Variants in NHS observed in about 807,000 individuals in gnomAD.
NHS encodes actin remodeling regulator NHS.
A neutral mutation model predicts 72.5 loss-of-function variants in NHS; 5 were observed. The ratio of observed to expected loss-of-function variants is 0.07; its 90% confidence interval spans 0.04 to 0.14. The LOEUF (loss-of-function observed/expected upper bound fraction) is 0.14. Ranked by LOEUF, NHS falls within the 10% of genes least tolerant of loss-of-function variation. The pLI is 1.00. For synonymous variants in NHS, 464 were observed against 547.7 expected (o/e 0.85, Z 2.13); for missense variants, 1,072 against 1,355.7 (o/e 0.79, Z 3.29).
chrX:17,571,182 A>G (rs973959972), intron 1 of NHS, among the ~76,000 whole-genome samples: 30 of 112,324 alleles, frequency 2.7e-4, no homozygotes, highest in African/African-American at 8.7e-4. Context: ...TGCTGGCCTC[A>G]TAAAATGAGT....
chrX:17,538,240 T>C (rs1569275835), intron 1 of NHS, among the ~76,000 whole-genome samples: 1 of 112,020 alleles, frequency 8.9e-6, no homozygotes. Context: ...AGCTGAGACC[T>C]GTAAAAGTGC....
intron 1 of NHS, among the ~76,000 whole-genome samples, chrX:17,511,796 C>T (rs181303013): frequency 3.8e-4 from 42 of 111,594 alleles, no homozygotes; most frequent in Non-Finnish European, 4.7e-4. Flanking sequence ...GGATTTCCAT[C>T]TATTTACATC....
chrX:17,488,412 A>G (rs1569265251), intron 1 of NHS, among the ~76,000 whole-genome samples: 1 of 111,131 alleles, frequency 9.0e-6, no homozygotes, highest in Non-Finnish European at 1.9e-5. Context: ...GATGTCCTGC[A>G]GCTACAGGCA....
At chrX:17,681,423 G>A (rs1025647716) in intron 1 of NHS, among the ~76,000 whole-genome samples, 3 of 111,788 alleles carry the variant, frequency 2.7e-5, no homozygotes, top group Non-Finnish European at 3.8e-5. Context: ...CACTGATGCT[G>A]TGATCCATCT....
chrX:17,496,857 T>G (rs1197989854), intron 1 of NHS, among the ~76,000 whole-genome samples: 3 of 112,192 alleles, frequency 2.7e-5, no homozygotes, highest in Non-Finnish European at 5.6e-5. Context: ...TAAAGGTAAG[T>G]TTGTTTGCAG....
intron 1 of NHS, among the ~76,000 whole-genome samples, chrX:17,487,914 C>T (rs745933718): frequency 1.8e-5 from 2 of 111,758 alleles, no homozygotes; most frequent in South Asian, 7.6e-4. Flanking sequence ...GCTTGCTGCT[C>T]TCTGCAGTGT....
chrX:17,633,482 A>G (rs978672262), intron 1 of NHS, among the ~76,000 whole-genome samples: 3 of 112,091 alleles, frequency 2.7e-5, no homozygotes, highest in Non-Finnish European at 5.6e-5. Context: ...GCTTGCATCA[A>G]AAGTGCACAT....
chrX:17,732,703 T>C lies in NHS; in HGVS notation c.*239T>C, dbSNP rs945805831. 14 of 416,785 alleles carry C rather than the reference T, an allele frequency of 3.4e-5. No individual in the cohort carries two copies. The highest frequency in any genetic ancestry group is 7.2e-4 in the Middle Eastern group (1 of 1,391). The allele number at this position is 416,785 out of a possible 1,213,427, so 34.3% of individuals were successfully genotyped here. ...CATGTTTTTCTTTAGCATAGTTTGA[T>C]TTACGCAATCTCCTTCCTTGTGAAA... On this transcript the variant is annotated 3_prime_UTR_variant, in exon 9 of 9. Coordinates refer to ENST00000676302, the MANE Select transcript of NHS (RefSeq NM_001291867.2).
intron 3 of NHS, among the ~76,000 whole-genome samples, chrX:17,710,238 G>C (rs1243108471): frequency 8.9e-6 from 1 of 112,421 alleles, no homozygotes; most frequent in Non-Finnish European, 1.9e-5. Context: ...CAATGAGTCT[G>C]GTTCATATTA....
At chrX:17,462,350 A>G (rs189766420) in intron 1 of NHS, among the ~76,000 whole-genome samples, 99 of 111,572 alleles carry the variant, frequency 8.9e-4, no homozygotes, top group Admixed American at 1.4e-3. Flanking sequence ...GCTAAAAATC[A>G]TACAACTAGT....
intron 1 of NHS, among the ~76,000 whole-genome samples, chrX:17,378,278 G>A (rs1172889685): frequency 8.9e-6 from 1 of 111,884 alleles, no homozygotes; most frequent in Non-Finnish European, 1.9e-5. Flanking sequence ...AGGATCTTGA[G>A]TGTGTGCATA....
At chrX:17,579,138 A>G (rs766913321) in intron 1 of NHS, among the ~76,000 whole-genome samples, 1 of 112,226 alleles carries the variant, frequency 8.9e-6, no homozygotes, top group Non-Finnish European at 1.9e-5. Context: ...GGCAAGAAAC[A>G]TTTCCCCTGA....
chrX:17,452,702 A>T (rs990178521), intron 1 of NHS, among the ~76,000 whole-genome samples: 1 of 111,676 alleles, frequency 9.0e-6, no homozygotes, highest in Non-Finnish European at 1.9e-5. Flanking sequence ...TTCAAGCCAC[A>T]TCATTGGCTG....
chrX:17,393,785 A>G (rs183908009), intron 1 of NHS, among the ~76,000 whole-genome samples: 332 of 111,819 alleles, frequency 3.0e-3, no homozygotes, highest in Middle Eastern at 0.023. Flanking sequence ...CCTCCTATCC[A>G]TAGCTGAGAG....
At chrX:17,606,357 A>G (rs1052322167) in intron 1 of NHS, among the ~76,000 whole-genome samples, 2 of 111,927 alleles carry the variant, frequency 1.8e-5, no homozygotes, top group African/African-American at 6.5e-5. Flanking sequence ...GCTGAACTGA[A>G]GGAGGCCCCT....
At chrX:17,671,694 G>A (rs1243738167) in intron 1 of NHS, among the ~76,000 whole-genome samples, 2 of 112,032 alleles carry the variant, frequency 1.8e-5, no homozygotes, top group Non-Finnish European at 3.8e-5. Context: ...GGGTGGTCCT[G>A]TCTTGTTAAC....
chrX:17,479,118 T>C (rs757073611), intron 1 of NHS, among the ~76,000 whole-genome samples: 2 of 111,453 alleles, frequency 1.8e-5, no homozygotes, highest in Non-Finnish European at 3.8e-5. Flanking sequence ...TGTATTCTCA[T>C]TGTTCAACTC....
chrX:17,664,929 A>G (rs1253903513), intron 1 of NHS, among the ~76,000 whole-genome samples: 4 of 110,772 alleles, frequency 3.6e-5, no homozygotes, highest in Non-Finnish European at 7.6e-5. Context: ...TTTCTGTTAG[A>G]TTTGTTTGTC....
At chrX:17,420,049 G>A (rs1305085556) in intron 1 of NHS, among the ~76,000 whole-genome samples, 2 of 111,260 alleles carry the variant, frequency 1.8e-5, no homozygotes, top group Non-Finnish European at 3.8e-5. Context: ...ACCTCAGCAT[G>A]CAATCTGCTG....
Sources: gnomAD v4.1 joint callset for allele counts (sites outside exome capture counted in the v4.1 genomes callset) on GRCh38, gnomAD v4.1.1 for gene constraint, MANE v1.5 for transcripts, NCBI Gene and HGNC (gene_info 2026-07-23, HGNC 2026-07-21) for gene names.